Variants in RPA1 observed in about 807,000 individuals in gnomAD.
RPA1 encodes the protein replication protein A 70 kDa DNA-binding subunit.
A neutral mutation model predicts 83.0 loss-of-function variants in RPA1; 49 were observed. That is an observed-to-expected ratio of 0.59 (90% confidence interval 0.47 to 0.75). The LOEUF is 0.75. Among genes scored for constraint, RPA1 ranks in the 30% least tolerant of loss-of-function variants. The pLI is 0.00. For missense variants in RPA1, 693 were observed against 776.1 expected, an observed-to-expected ratio of 0.89 and a Z score of 1.27; for synonymous variants, 279 against 281.8, an observed-to-expected ratio of 0.99 and a Z score of 0.10.
Position 1,899,288 on chromosome 17 carries a change from C to A in RPA1, c.*2113C>A, listed in dbSNP as rs1379933157. On this transcript the variant is annotated 3_prime_UTR_variant, in exon 17 of 17. Transcript: ENST00000254719. ...TGCGGGTTGCCTAAATAGATTCTGG[C>A]CCACAGTTTACCTCGAAAGGCTGTT... The A allele has an allele frequency of 9.7e-6, 1 of 103,554 alleles. No individual in the cohort carries two copies. Among genetic ancestry groups the A allele is most frequent in the Non-Finnish European group, 2.2e-5 (1 of 45,298 alleles). The allele number at this position is 103,554 out of a possible 1,614,324, so 6.4% of individuals were successfully genotyped here. A position where few individuals can be genotyped will look rare whatever the true frequency, so the allele number is the denominator to read the frequency against.
Position 1,891,211 on chromosome 17 carries a change from A to C in RPA1, c.1552-622A>C, listed in dbSNP as rs111700503. ...TTTGCCCTGTTTAATGTTACACCAC[A>C]GCCCAGTGGGAGACATTTGATTGCT... On this transcript the variant is annotated intron_variant, in intron 14 of 16. Coordinates refer to ENST00000254719, the MANE Select transcript of RPA1 (RefSeq NM_002945.5). 2.6e-5 allele frequency among the ~76,000 whole-genome samples: 4 copies of C among 152,202 alleles called. No homozygotes were observed. In the South Asian group the frequency reaches 6.2e-4, roughly 24 times the overall value.
intron 6 of RPA1, among the ~76,000 whole-genome samples, chr17:1,874,032 T>TATATATATATACACACAC (rs1171343408): frequency 5.3e-4 from 42 of 79,240 alleles, no homozygotes; most frequent in African/African-American, 2.6e-3. Context: ...TATATATATA[T>TATATATATATACACACAC]ACACACACAC....
intron 4 of RPA1, among the ~76,000 whole-genome samples, chr17:1,847,981 G>A (rs1183743830): frequency 6.6e-6 from 1 of 151,144 alleles, no homozygotes; most frequent in Non-Finnish European, 1.5e-5. Flanking sequence ...CGAGACTCCA[G>A]CCTCGGTTAC....
rs986045415 is a variant in RPA1, at chr17:1,853,251, C to G, written c.361+62C>G. 1.9e-5 allele frequency: 24 copies of G among 1,275,588 alleles called. No individual in the cohort carries two copies. In the Admixed American group the frequency reaches 4.2e-4, roughly 22 times the overall value. 79.0% of individuals were successfully genotyped at this position (1,275,588 alleles called of 1,614,324 possible). A position where few individuals can be genotyped will look rare whatever the true frequency, so the allele number is the denominator to read the frequency against. Reference sequence around the variant, plus strand: ...AATACCTCTTTATATATTCGGAGTTCTACCTTTTGGATTCAGTTTGACTTG... The same window carrying G: ...AATACCTCTTTATATATTCGGAGTTGTACCTTTTGGATTCAGTTTGACTTG... On this transcript the variant is annotated intron_variant, in intron 5 of 16. Transcript: ENST00000254719.
intron 4 of RPA1, among the ~76,000 whole-genome samples, chr17:1,851,835 TG>T (rs17338614): frequency 0.37 from 56,095 of 152,022 alleles, 12,722 homozygotes; most frequent in Non-Finnish European, 0.53. Context: ...GAAACTCTGA[TG>T]TGAAACCTGA....
Position 1,891,876 on chromosome 17 carries a change from TC to T in RPA1, c.1597del (p.Gln533ArgfsTer18). ...CAAGAGAATCAGTGGGTGACTTGTT[TC>T]CAGGAGTCTGCTGAAGCTATCCTTG... ...DFQENQWVTC[F>X]QESAEAILGQ... On this transcript the variant is annotated frameshift_variant, in exon 15 of 17. Coordinates refer to ENST00000254719, the MANE Select transcript of RPA1 (RefSeq NM_002945.5). LOFTEE classifies it high-confidence loss of function. 1 of 1,608,136 alleles carries T rather than the reference TC, an allele frequency of 6.2e-7. No individual in the cohort carries two copies. Among genetic ancestry groups the T allele is most frequent in the Non-Finnish European group, 8.5e-7 (1 of 1,175,200 alleles).
chr17:1,844,834 A>G, intron 4 of RPA1, 148 bp downstream of exon 4: 1 of 495,742 alleles, frequency 2.0e-6, no homozygotes, highest in South Asian at 3.8e-5. Flanking sequence ...CAAGGAGGAG[A>G]AACATGGAAA....
At chr17:1,876,174 G>A (rs761035696) in intron 7 of RPA1, among the ~76,000 whole-genome samples, 2 of 152,130 alleles carry the variant, frequency 1.3e-5, no homozygotes, top group Non-Finnish European at 2.9e-5. Flanking sequence ...CTTTGGTTTA[G>A]TTGGCTAAAA....
At chr17:1,846,396 T>A (rs1309872339) in intron 4 of RPA1, among the ~76,000 whole-genome samples, 1 of 148,260 alleles carries the variant, frequency 6.7e-6, no homozygotes, top group African/African-American at 2.5e-5. Context: ...GGGCTCACTG[T>A]AGCCTTGACC....
chr17:1,888,330 C>T (rs1304235252), intron 13 of RPA1, among the ~76,000 whole-genome samples: 3 of 152,126 alleles, frequency 2.0e-5, no homozygotes, highest in Admixed American at 6.6e-5. Context: ...GTCAGAGGAT[C>T]GGGAGGAACA....
chr17:1,865,988 C>T (rs1913161088), intron 5 of RPA1, among the ~76,000 whole-genome samples: 1 of 152,238 alleles, frequency 6.6e-6, no homozygotes, highest in South Asian at 2.1e-4. Flanking sequence ...CGCCTGTAAT[C>T]CCGACACTTT....
chr17:1,886,541 G>C (rs570978392), intron 13 of RPA1, among the ~76,000 whole-genome samples: 1 of 152,290 alleles, frequency 6.6e-6, no homozygotes, highest in South Asian at 2.1e-4. Context: ...CTGTTGTTGA[G>C]TGCAGCCACC....
intron 5 of RPA1, among the ~76,000 whole-genome samples, chr17:1,863,893 A>G (rs1048764432): frequency 1.3e-5 from 2 of 152,242 alleles, no homozygotes; most frequent in African/African-American, 4.8e-5. Flanking sequence ...TATTTGGAAA[A>G]AAATTTGTGA....
At chr17:1,883,711 G>C in intron 12 of RPA1, 101 bp from the exon 13 acceptor site, 1 of 1,501,660 alleles carries the variant, frequency 6.7e-7, no homozygotes. Flanking sequence ...CTGGGCGGGT[G>C]GTGGGAAACC....
chr17:1,894,171 C>G (rs555337359), intron 15 of RPA1, among the ~76,000 whole-genome samples: 18 of 142,796 alleles, frequency 1.3e-4, no homozygotes, highest in Non-Finnish European at 2.2e-4. Context: ...ACCTGACCTC[C>G]TAATTTTTTT....
Position 1,895,017 on chromosome 17 carries a change from G to A in RPA1, c.1668G>A (p.Gln556=), listed in dbSNP as rs1914347070. The change falls in exon 16 of 17, where the codon CAG becomes CAA. Residue 556 remains glutamine (Q), a synonymous_variant. Coordinates refer to ENST00000254719, the MANE Select transcript of RPA1 (RefSeq NM_002945.5). ...TATGTTTGTTTTTGCAGAATGAACAGGCATTTGAAGAAGTTTTCCAGAATG... is the reference window on the plus strand; with the variant it reads ...TATGTTTGTTTTTGCAGAATGAACAAGCATTTGAAGAAGTTTTCCAGAATG... ...YLGELKDKNE[Q]AFEEVFQNAN... is the part of the protein sequence containing the mutation. The A allele has an allele frequency of 3.1e-6, 5 of 1,613,192 alleles. No homozygotes were observed. The highest frequency in any genetic ancestry group is 4.2e-6 in the Non-Finnish European group (5 of 1,179,454).
chr17:1,885,168 G>A (rs188893568), intron 13 of RPA1, among the ~76,000 whole-genome samples: 8 of 152,202 alleles, frequency 5.3e-5, no homozygotes, highest in South Asian at 4.1e-4. Flanking sequence ...ATCCTTTGTC[G>A]TCATTTCAAC....
chr17:1,875,868 T>C (rs1913554794), intron 7 of RPA1, 75 bp downstream of exon 7: 1 of 1,443,178 alleles, frequency 6.9e-7, no homozygotes, highest in Admixed American at 2.4e-5. Context: ...TTGAGTTATT[T>C]ATGCGTGAAC....
rs1225001832 is a variant in RPA1, at chr17:1,899,367, C to G, written c.*2192C>G. The G allele has an allele frequency of 6.6e-6, 1 of 152,502 alleles. No homozygotes were observed. Among genetic ancestry groups the G allele is most frequent in the East Asian group, 1.9e-4 (1 of 5,202 alleles). The allele number at this position is 152,502 out of a possible 1,614,324, so 9.4% of individuals were successfully genotyped here. On this transcript the variant is annotated 3_prime_UTR_variant, in exon 17 of 17. Coordinates refer to ENST00000254719, the MANE Select transcript of RPA1 (RefSeq NM_002945.5). ...TAGAGATCAATGTTGATTTTGCGTA[C>G]ACCATGACATCAGCGTTAGGCAATT... is the stretch of plus-strand genomic sequence containing the variant.
Sources: gnomAD v4.1 joint callset for allele counts (sites outside exome capture counted in the v4.1 genomes callset) on GRCh38, gnomAD v4.1.1 for gene constraint, MANE v1.5 for transcripts, NCBI Gene and HGNC (gene_info 2026-07-23, HGNC 2026-07-21) for gene names.